Variants in RBFOX3 observed in about 807,000 individuals in gnomAD.
RBFOX3 encodes the protein RNA binding fox-1 homolog 3.
In RBFOX3, 17 loss-of-function variants were observed where a neutral mutation model predicts 48.7. That is an observed-to-expected ratio of 0.35 (90% confidence interval 0.24 to 0.52). The LOEUF is 0.52. Ranked by LOEUF, RBFOX3 falls within the 20% of genes least tolerant of loss-of-function variation. The pLI is 0.94. For missense variants in RBFOX3, 382 were observed against 497.5 expected, an observed-to-expected ratio of 0.77 and a Z score of 2.21; for synonymous variants, 212 against 209.5, an observed-to-expected ratio of 1.01 and a Z score of -0.10.
intron 1 of RBFOX3, among the ~76,000 whole-genome samples, chr17:79,483,450 C>CCTG (rs2079059038): frequency 7.6e-6 from 1 of 132,192 alleles, no homozygotes; most frequent in Non-Finnish European, 1.6e-5. Flanking sequence ...CTCCCTCCCT[C>CCTG]CCTCCCTCCC....
chr17:79,341,618 T>C (rs919468155), intron 2 of RBFOX3, among the ~76,000 whole-genome samples: 26 of 152,234 alleles, frequency 1.7e-4, no homozygotes, highest in African/African-American at 6.3e-4. Flanking sequence ...AGGCTCCTTG[T>C]TGGCACCTTG....
chr17:79,155,850 G>A (rs934791932), intron 4 of RBFOX3, among the ~76,000 whole-genome samples: 3 of 152,190 alleles, frequency 2.0e-5, no homozygotes, highest in African/African-American at 4.8e-5. Context: ...GATGGTGGCT[G>A]GGGGTAGAGC....
intron 2 of RBFOX3, among the ~76,000 whole-genome samples, chr17:79,464,882 CAGA>C (rs782581758): frequency 9.2e-5 from 14 of 152,218 alleles, no homozygotes; most frequent in Admixed American, 3.9e-4. Flanking sequence ...TCAGTCCCTG[CAGA>C]AGCTCAGTGA....
chr17:79,379,190 C>T (rs1467754382), intron 2 of RBFOX3, among the ~76,000 whole-genome samples: 1 of 152,180 alleles, frequency 6.6e-6, no homozygotes, highest in Admixed American at 6.5e-5. Flanking sequence ...CATGCGCTTG[C>T]TTATTTGTGG....
At chr17:79,645,800 A>C in the RBFOX3 span, among the ~76,000 whole-genome samples, 645 of 152,308 alleles carry the variant, frequency 4.2e-3, no homozygotes, top group Non-Finnish European at 7.0e-3. Context: ...ACCTGACAGA[A>C]GAGGAGCCCT....
At chr17:79,499,248 C>T (rs1475997929) in intron 1 of RBFOX3, among the ~76,000 whole-genome samples, 1 of 151,790 alleles carries the variant, frequency 6.6e-6, no homozygotes, top group Non-Finnish European at 1.5e-5. Context: ...ATTCACATAT[C>T]CATTCACCTG....
chr17:79,398,767 G>A (rs892587072), intron 2 of RBFOX3, among the ~76,000 whole-genome samples: 1 of 152,194 alleles, frequency 6.6e-6, no homozygotes. Flanking sequence ...GATGTTTACC[G>A]GGGGCCAGTC....
intron 2 of RBFOX3, among the ~76,000 whole-genome samples, chr17:79,312,888 A>G (rs1245222612): frequency 6.6e-6 from 1 of 152,170 alleles, no homozygotes; most frequent in East Asian, 1.9e-4. Flanking sequence ...GAGAAAGGAC[A>G]GGCAGCTTAG....
intron 1 of RBFOX3, among the ~76,000 whole-genome samples, chr17:79,501,484 T>G (rs1471029785): frequency 3.3e-5 from 5 of 152,158 alleles, no homozygotes; most frequent in African/African-American, 1.2e-4. Flanking sequence ...GAGGCCACTT[T>G]TGTTCCCGAG....
chr17:79,161,217 C>A (rs1482881188), intron 4 of RBFOX3, among the ~76,000 whole-genome samples: 1 of 152,126 alleles, frequency 6.6e-6, no homozygotes, highest in African/African-American at 2.4e-5. Context: ...CCAGCTAAAG[C>A]CTTGAAGGAT....
chr17:79,500,504 G>A (rs1376043024), intron 1 of RBFOX3, among the ~76,000 whole-genome samples: 9 of 151,998 alleles, frequency 5.9e-5, no homozygotes, highest in South Asian at 2.1e-4. Context: ...TGATCCTCCC[G>A]CCTTGGCCTC....
chr17:79,258,971 G>C (rs1197251371), intron 3 of RBFOX3, among the ~76,000 whole-genome samples: 1 of 152,268 alleles, frequency 6.6e-6, no homozygotes, highest in African/African-American at 2.4e-5. Context: ...GCTTGCTAGA[G>C]GGAAGCCTGC....
At chr17:79,300,495 G>A (rs1292873040) in intron 3 of RBFOX3, among the ~76,000 whole-genome samples, 3 of 152,196 alleles carry the variant, frequency 2.0e-5, no homozygotes, top group Admixed American at 6.5e-5. Context: ...TAGAGACATA[G>A]ACTTTGGGAG....
chr17:79,356,386 T>TTTTTTTTTTTTTTGAG (rs2085128508), intron 2 of RBFOX3, among the ~76,000 whole-genome samples: 1 of 103,704 alleles, frequency 9.6e-6, no homozygotes, highest in Non-Finnish European at 1.8e-5. Context: ...TTTTTTTTTT[T>TTTTTTTTTTTTTTGAG]GAGGAGGAGT....
At chr17:79,606,583 A>G (rs1342868856) in intron 1 of RBFOX3, among the ~76,000 whole-genome samples, 2 of 152,202 alleles carry the variant, frequency 1.3e-5, no homozygotes. Context: ...GTGTCAGTCT[A>G]TGTGTTGGAG....
At chr17:79,309,859 C>T (rs746224329) in intron 2 of RBFOX3, among the ~76,000 whole-genome samples, 6 of 152,184 alleles carry the variant, frequency 3.9e-5, no homozygotes, top group Non-Finnish European at 5.9e-5. Flanking sequence ...CTTCGCCTTC[C>T]GCCACGATTG....
chr17:79,539,918 C>T (rs561784606), intron 1 of RBFOX3, among the ~76,000 whole-genome samples: 6 of 152,174 alleles, frequency 3.9e-5, no homozygotes, highest in African/African-American at 1.4e-4. Flanking sequence ...AGGTCCCACG[C>T]GATGTGTAAC....
Position 79,097,372 on chromosome 17 carries a change from T to C in RBFOX3, c.675A>G (p.Ala225=). 3 of 1,548,322 alleles carry C rather than the reference T, an allele frequency of 1.9e-6. No individual in the cohort carries two copies. The highest frequency in any genetic ancestry group is 2.6e-6 in the Non-Finnish European group (3 of 1,146,230). Residue 225 remains alanine (A), a synonymous_variant, in exon 11 of 15, where the codon GCA becomes GCG. Coordinates refer to ENST00000693108, the MANE Select transcript of RBFOX3 (RefSeq NM_001350451.2). ...TTGTAVAYRG[A]HLRGRGRAVY... Reference sequence around the variant, plus strand: ...CGGCCCGGCCCCGGCCCCGAAGATGTGCGCCCCGGTAGGCAACGGCTGTGC... The same window carrying C: ...CGGCCCGGCCCCGGCCCCGAAGATGCGCGCCCCGGTAGGCAACGGCTGTGC...
At chr17:79,149,631 C>T (rs1237183074) in intron 4 of RBFOX3, among the ~76,000 whole-genome samples, 3 of 152,012 alleles carry the variant, frequency 2.0e-5, no homozygotes, top group African/African-American at 4.8e-5. Context: ...CCAGCTGGAC[C>T]GTCCCCACAC....
Sources: gnomAD v4.1 joint callset for allele counts (sites outside exome capture counted in the v4.1 genomes callset) on GRCh38, gnomAD v4.1.1 for gene constraint, MANE v1.5 for transcripts, NCBI Gene and HGNC (gene_info 2026-07-23, HGNC 2026-07-21) for gene names.